CS: variants seen among roughly 807,000 people sequenced by gnomAD.
CS encodes the protein citrate synthase.
CS carries 13 observed loss-of-function variants against 61.4 expected under a neutral mutation model. That is an observed-to-expected ratio of 0.21 (90% CI 0.14 to 0.34). CS has a LOEUF of 0.34. Ranked by LOEUF, CS falls within the 10% of genes least tolerant of loss-of-function variation. CS has a pLI of 1.00. For synonymous variants in CS, 159 were observed against 215.2 expected, an observed-to-expected ratio of 0.74 and a Z score of 2.29; for missense variants, 278 against 573.4, an observed-to-expected ratio of 0.48 and a Z score of 5.26.
At position 56,282,259 on chromosome 12, in the gene CS, C is replaced by T. The variant is rs1872797963; in HGVS notation, c.588+161G>A. On this transcript the variant is annotated intron_variant, in intron 6 of 10. Transcript: ENST00000351328. ...CATGCTCTACTTAGCTTTGTAATTC[C>T]AACAACTGACAAAAAACAAGCCTCC... The T allele has an allele frequency of 2.6e-5, 15 of 583,238 alleles. No individual in the cohort carries two copies. The South Asian group carries it at 4.4e-4, about 17-fold the overall frequency. 36.1% of individuals were successfully genotyped at this position (583,238 alleles called of 1,614,324 possible).
chr12:56,294,345 A>G (rs1873227140), intron 1 of CS, among the ~76,000 whole-genome samples: 1 of 151,382 alleles, frequency 6.6e-6, no homozygotes, highest in Non-Finnish European at 1.5e-5. Flanking sequence ...ACGGTGGCGC[A>G]CACCTGTAAT....
intron 6 of CS, 80 bp downstream of exon 6, chr12:56,282,340 T>G: frequency 8.5e-7 from 1 of 1,169,934 alleles, no homozygotes; most frequent in Non-Finnish European, 1.2e-6. Flanking sequence ...TTTCTAAAGA[T>G]TCTGTATTTT....
intron 1 of CS, 133 bp from the exon 2 acceptor site, chr12:56,286,778 T>A: frequency 1.3e-6 from 1 of 773,526 alleles, no homozygotes; most frequent in Non-Finnish European, 2.1e-6. Context: ...AAGAAAGCTG[T>A]AAAAGTCCCC....
At chr12:56,292,199 C>T (rs1231558251) in intron 1 of CS, among the ~76,000 whole-genome samples, 2 of 151,742 alleles carry the variant, frequency 1.3e-5, no homozygotes, top group Admixed American at 6.6e-5. Context: ...AGATCAAGAC[C>T]ATCCTGGCTA....
intron 7 of CS, 62 bp from the exon 8 acceptor site, chr12:56,275,193 GC>G: frequency 6.2e-7 from 1 of 1,605,534 alleles, no homozygotes. Context: ...TGGAAACTTT[GC>G]TGTTCTCTTA....
chr12:56,291,997 T>C (rs1172004328), intron 1 of CS, among the ~76,000 whole-genome samples: 3 of 152,220 alleles, frequency 2.0e-5, no homozygotes, highest in Admixed American at 6.5e-5. Flanking sequence ...AGAGGTGGGC[T>C]GTAGCCCTCA....
At chr12:56,286,520 G>A in intron 2 of CS, 75 bp downstream of exon 2, 1 of 1,333,222 alleles carries the variant, frequency 7.5e-7, no homozygotes, top group Non-Finnish European at 1.1e-6. Flanking sequence ...AGGCCAGGTG[G>A]TTGCCAAATC....
intron 7 of CS, 41 bp from the exon 8 acceptor site, chr12:56,275,172 G>A: frequency 6.2e-7 from 1 of 1,613,014 alleles, no homozygotes; most frequent in Non-Finnish European, 8.5e-7. Flanking sequence ...GAAGAAAGAA[G>A]GGGCAGATTA....
intron 1 of CS, among the ~76,000 whole-genome samples, chr12:56,298,449 AAAT>A (rs749053292): frequency 1.3e-5 from 2 of 152,188 alleles, no homozygotes; most frequent in Non-Finnish European, 1.5e-5. Flanking sequence ...TTAAGGAGGA[AAAT>A]AAATTCAATA....
intron 6 of CS, among the ~76,000 whole-genome samples, chr12:56,278,310 T>C (rs966388562): frequency 4.6e-5 from 7 of 152,140 alleles, no homozygotes; most frequent in African/African-American, 1.7e-4. Flanking sequence ...GTATCTTTAG[T>C]AGAGATGGGG....
intron 3 of CS, 117 bp from the exon 4 acceptor site, chr12:56,283,974 A>G: frequency 1.4e-6 from 1 of 714,484 alleles, no homozygotes; most frequent in East Asian, 2.7e-5. Flanking sequence ...TTATTCTCAG[A>G]CTTGTAAGAC....
intron 6 of CS, 91 bp from the exon 7 acceptor site, chr12:56,276,286 G>C: frequency 8.1e-7 from 1 of 1,228,676 alleles, no homozygotes; most frequent in Non-Finnish European, 1.2e-6. Flanking sequence ...CATGAATTGG[G>C]GCTATTTGGG....
At chr12:56,298,306 A>C (rs2068393924) in intron 1 of CS, among the ~76,000 whole-genome samples, 2 of 152,156 alleles carry the variant, frequency 1.3e-5, no homozygotes, top group Non-Finnish European at 2.9e-5. Context: ...CCTACTTTTA[A>C]GGGTCAAAAG....
intron 1 of CS, chr12:56,298,770 T>C: frequency 1.5e-6 from 1 of 662,050 alleles, no homozygotes; most frequent in Non-Finnish European, 1.9e-6. Flanking sequence ...CCAGGTGCAG[T>C]GGTTCACACC....
intron 4 of CS, among the ~76,000 whole-genome samples, chr12:56,283,314 G>A (rs1385689132): frequency 2.6e-5 from 4 of 152,154 alleles, no homozygotes; most frequent in African/African-American, 9.7e-5. Context: ...TGCGATCTCG[G>A]CTCACTGCAA....
chr12:56,282,835 A>G, intron 5 of CS, 25 bp downstream of exon 5: 1 of 1,613,166 alleles, frequency 6.2e-7, no homozygotes, highest in Admixed American at 1.7e-5. Flanking sequence ...GAATGAGAAG[A>G]GCTAATAATA....
chr12:56,285,901 C>T lies in CS; in HGVS notation c.201+15G>A, dbSNP rs767533177. ...ACAGAGCTACTTTTCCCAGCCAAAG[C>T]CACACAACCCTTACCATGTCCACAG... On this transcript the variant is annotated intron_variant, in intron 3 of 10. Transcript: ENST00000351328. 1.4e-5 allele frequency: 23 copies of T among 1,603,172 alleles called. No individual in the cohort carries two copies. Among genetic ancestry groups the T allele is most frequent in the Non-Finnish European group, 1.9e-5 (22 of 1,171,846 alleles).
intron 6 of CS, among the ~76,000 whole-genome samples, chr12:56,281,479 G>A (rs1008012080): frequency 1.3e-5 from 2 of 152,150 alleles, no homozygotes; most frequent in African/African-American, 2.4e-5. Flanking sequence ...TTGGCTAGCC[G>A]AGAACATGAC....
At chr12:56,273,993 C>T (rs1195072620) in intron 9 of CS, 197 bp from the exon 10 acceptor site, 3 of 517,644 alleles carry the variant, frequency 5.8e-6, no homozygotes, top group African/African-American at 4.0e-5. Flanking sequence ...ACCAACACAT[C>T]TGGCTTTTTT....
Sources: gnomAD v4.1 joint callset for allele counts (sites outside exome capture counted in the v4.1 genomes callset) on GRCh38, gnomAD v4.1.1 for gene constraint, MANE v1.5 for transcripts, NCBI Gene and HGNC (gene_info 2026-07-23, HGNC 2026-07-21) for gene names.